Variants in NPFFR2 observed in about 807,000 individuals in gnomAD.
NPFFR2 encodes G-protein coupled receptor 74.
A neutral mutation model predicts 13.1 loss-of-function variants in NPFFR2; 15 were observed. The observed-to-expected ratio is 1.15, with a 90% confidence interval of 0.77 to 1.76. The LOEUF is 1.76. NPFFR2 is among the 40% of genes most tolerant of loss of function. NPFFR2 has a pLI of 0.00. For synonymous variants in NPFFR2, 190 were observed against 175.7 expected, an observed-to-expected ratio of 1.08 and a Z score of -0.65; for missense variants, 572 against 503.5, an observed-to-expected ratio of 1.14 and a Z score of -1.30.
rs116279473 is a variant in NPFFR2, at chr4:72,094,020, G to C, written c.-7-34565G>C. Among the ~76,000 whole-genome samples the C allele has an allele frequency of 7.9e-3, 1,195 of 151,990 alleles. 14 individuals are homozygous for C. The highest frequency in any genetic ancestry group is 0.027 in the African/African-American group (1,118 of 41,504). ...CTGTTCAGATTCTTTTGTCCCATTG[G>C]GTACTTCCTTGATTTGGTGCTCTCC... On this transcript the variant is annotated intron_variant, in intron 1 of 3. Transcript: ENST00000308744.
chr4:72,088,369 G>A (rs917882142), intron 1 of NPFFR2, among the ~76,000 whole-genome samples: 6 of 151,610 alleles, frequency 4.0e-5, no homozygotes, highest in Admixed American at 6.6e-5. Context: ...GACCTTTAAG[G>A]GAAGATGAAT....
intron 1 of NPFFR2, among the ~76,000 whole-genome samples, chr4:72,118,306 T>A (rs1003930228): frequency 2.0e-5 from 3 of 152,220 alleles, no homozygotes; most frequent in African/African-American, 7.2e-5. Context: ...CATATAAAAA[T>A]GCTTAGCACT....
At chr4:72,056,305 T>C (rs1719742363) in intron 1 of NPFFR2, among the ~76,000 whole-genome samples, 1 of 152,000 alleles carries the variant, frequency 6.6e-6, no homozygotes, top group Non-Finnish European at 1.5e-5. Flanking sequence ...GTCCATGCTC[T>C]ATAAATGAAA....
Position 72,128,660 on chromosome 4 carries a change from G to T in NPFFR2, c.69G>T (p.Lys23Asn). ...WHPIWNVNDTKHHLYSDINIT... is the reference protein window; with the variant it reads ...WHPIWNVNDTNHHLYSDINIT... The stretch of plus-strand genomic sequence containing the variant: ...CCATCTGGAATGTCAATGACACAAA[G>T]CATCATCTGTACTCAGATATTAATA... The change falls in exon 2 of 4, where the codon AAG (lysine) becomes AAT (asparagine). Residue 23 changes from lysine (K) to asparagine (N), a missense_variant. Lys to Asn is a moderately conservative substitution (Grantham distance 94, BLOSUM62 0). Coordinates refer to ENST00000308744, the MANE Select transcript of NPFFR2 (RefSeq NM_004885.3). 6.2e-7 allele frequency: 1 copy of T among 1,613,670 alleles called. No individual in the cohort carries two copies. The highest frequency in any genetic ancestry group is 8.5e-7 in the Non-Finnish European group (1 of 1,179,658).
chr4:72,135,509 A>G (rs1722381546), intron 2 of NPFFR2, among the ~76,000 whole-genome samples: 1 of 152,000 alleles, frequency 6.6e-6, no homozygotes, highest in Non-Finnish European at 1.5e-5. Context: ...GAACTCCTCA[A>G]TACTGTTACC....
chr4:72,070,322 C>CT (rs1385282568), intron 1 of NPFFR2, among the ~76,000 whole-genome samples: 6 of 152,124 alleles, frequency 3.9e-5, no homozygotes, highest in Non-Finnish European at 7.3e-5. Context: ...CACTTCACTT[C>CT]TAGGTTTGAC....
At chr4:72,049,764 G>C (rs1190445344) in intron 1 of NPFFR2, among the ~76,000 whole-genome samples, 1 of 151,026 alleles carries the variant, frequency 6.6e-6, no homozygotes, top group Non-Finnish European at 1.5e-5. Context: ...CCCAGCTCCT[G>C]GCCAGACCTC....
chr4:72,056,021 AC>A, intron 1 of NPFFR2, among the ~76,000 whole-genome samples: 1 of 152,168 alleles, frequency 6.6e-6, no homozygotes, highest in Admixed American at 6.6e-5. Context: ...AAGTGCTGAC[AC>A]AGAAACTGCC....
At chr4:72,112,437 G>A (rs1578463043) in intron 1 of NPFFR2, among the ~76,000 whole-genome samples, 1 of 151,842 alleles carries the variant, frequency 6.6e-6, no homozygotes, top group African/African-American at 2.4e-5. Context: ...TGTGTGCATA[G>A]ATCTTTTTAT....
At chr4:72,070,420 A>G (rs2109783080) in intron 1 of NPFFR2, among the ~76,000 whole-genome samples, 1 of 152,240 alleles carries the variant, frequency 6.6e-6, no homozygotes, top group Admixed American at 6.6e-5. Flanking sequence ...TAAAGGAAAA[A>G]TGAGGAGGGT....
Position 72,083,784 on chromosome 4 carries a change from A to G in NPFFR2, c.-7-44801A>G, listed in dbSNP as rs1560406139. Among the ~76,000 whole-genome samples the G allele has an allele frequency of 3.9e-5, 6 of 152,150 alleles. No individual in the cohort carries two copies. In the South Asian group the frequency reaches 1.2e-3, roughly 32 times the overall value. Reference sequence around the variant, plus strand: ...TATCTCTCCTCTAAGCTCTCAGCTCATAAAACCAAGCACTTTAAGTCTCCA... The same window carrying G: ...TATCTCTCCTCTAAGCTCTCAGCTCGTAAAACCAAGCACTTTAAGTCTCCA... On this transcript the variant is annotated intron_variant, in intron 1 of 3. Coordinates refer to ENST00000308744, the MANE Select transcript of NPFFR2 (RefSeq NM_004885.3).
intron 1 of NPFFR2, among the ~76,000 whole-genome samples, chr4:72,110,130 A>T (rs1721524026): frequency 6.6e-6 from 1 of 151,854 alleles, no homozygotes; most frequent in African/African-American, 2.4e-5. Flanking sequence ...GCCCAGTGGG[A>T]GATACTTGAA....
chr4:72,114,758 C>T lies in NPFFR2; in HGVS notation c.-7-13827C>T, dbSNP rs80247198. Among the ~76,000 whole-genome samples the T allele has an allele frequency of 6.7e-3, 1,012 of 152,152 alleles. 9 individuals carry two copies. The highest frequency in any genetic ancestry group is 0.023 in the African/African-American group (952 of 41,522). Reference sequence around the variant, plus strand: ...TTGACATGAACAACATGTTATAGACCATTATGTGTCAGAATAATTAGACTC... The same window carrying T: ...TTGACATGAACAACATGTTATAGACTATTATGTGTCAGAATAATTAGACTC... On this transcript the variant is annotated intron_variant, in intron 1 of 3. Coordinates refer to ENST00000308744, the MANE Select transcript of NPFFR2 (RefSeq NM_004885.3).
chr4:72,056,458 A>C (rs1038570895), intron 1 of NPFFR2, among the ~76,000 whole-genome samples: 1 of 151,938 alleles, frequency 6.6e-6, no homozygotes, highest in East Asian at 1.9e-4. Flanking sequence ...TCACTCAAGA[A>C]CTCTGATAGA....
chr4:72,087,577 A>T (rs1253640501), intron 1 of NPFFR2, among the ~76,000 whole-genome samples: 1 of 151,884 alleles, frequency 6.6e-6, no homozygotes, highest in Non-Finnish European at 1.5e-5. Flanking sequence ...TTCAGTTGTG[A>T]TGGATGAGAG....
chr4:72,098,637 A>G (rs1315741140), intron 1 of NPFFR2, among the ~76,000 whole-genome samples: 2 of 152,168 alleles, frequency 1.3e-5, no homozygotes, highest in Admixed American at 6.6e-5. Flanking sequence ...GTGGCTTACA[A>G]CAATAGAATT....
chr4:72,092,684 A>G (rs1720949778), intron 1 of NPFFR2, among the ~76,000 whole-genome samples: 1 of 143,196 alleles, frequency 7.0e-6, no homozygotes, highest in African/African-American at 2.4e-5. Flanking sequence ...GTTCATTTAC[A>G]TGGAATATCT....
chr4:72,140,474 G>A (rs1190605437), intron 3 of NPFFR2, among the ~76,000 whole-genome samples: 1 of 152,178 alleles, frequency 6.6e-6, no homozygotes, highest in African/African-American at 2.4e-5. Flanking sequence ...ATGAAGGGCT[G>A]TTGAATTTTG....
intron 1 of NPFFR2, among the ~76,000 whole-genome samples, chr4:72,050,702 C>T (rs1415768855): frequency 2.0e-5 from 3 of 151,662 alleles, no homozygotes; most frequent in Admixed American, 2.0e-4. Context: ...CATGCTGGTG[C>T]ACTGCACCCA....
Sources: gnomAD v4.1 joint callset for allele counts (sites outside exome capture counted in the v4.1 genomes callset) on GRCh38, gnomAD v4.1.1 for gene constraint, MANE v1.5 for transcripts, NCBI Gene and HGNC (gene_info 2026-07-23, HGNC 2026-07-21) for gene names.